Variants in FAM13A observed in about 807,000 individuals in gnomAD.
The protein encoded by FAM13A is family with sequence similarity 13 member A.
In FAM13A, 76 loss-of-function variants were observed where a neutral mutation model predicts 129.6. The observed-to-expected ratio is 0.59, with a 90% confidence interval of 0.49 to 0.71. The LOEUF is 0.71. Among genes scored for constraint, FAM13A ranks in the 30% least tolerant of loss-of-function variants. The pLI, the probability that FAM13A is intolerant of heterozygous loss-of-function variation, is 0.00. For synonymous variants in FAM13A, 443 were observed against 449.9 expected, an observed-to-expected ratio of 0.98 and a Z score of 0.20; for missense variants, 1,108 against 1,249.3, an observed-to-expected ratio of 0.89 and a Z score of 1.70.
At position 89,032,193 on chromosome 4, in the gene FAM13A, C is replaced by T. The variant is rs531651436; in HGVS notation, c.28-2544G>A. Reference sequence around the variant, plus strand: ...CTGGGAGGCGGAGCTTGCAGTGAGCCGAGATCACGCCACTGCACTCCAGCC... The same window carrying T: ...CTGGGAGGCGGAGCTTGCAGTGAGCTGAGATCACGCCACTGCACTCCAGCC... On this transcript the variant is annotated intron_variant, in intron 1 of 23. Coordinates refer to ENST00000264344, the MANE Select transcript of FAM13A (RefSeq NM_014883.4). 2.2e-3 allele frequency among the ~76,000 whole-genome samples: 327 copies of T among 151,624 alleles called. 1 individual carries two copies. Among genetic ancestry groups the T allele is most frequent in the Non-Finnish European group, 3.6e-3 (247 of 67,904 alleles).
Position 88,749,838 on chromosome 4 carries a change from C to A in FAM13A, c.2012G>T (p.Arg671Met). 6.2e-7 allele frequency: 1 copy of A among 1,614,118 alleles called. No homozygotes were observed. Among genetic ancestry groups the A allele is most frequent in the Middle Eastern group, 1.7e-4 (1 of 6,052 alleles). ...GATCTTCTTTTTAAGGCTCTGAATC[C>A]TTCGTGTGAGCTGGGCAGGTGTCAG... ...EDLTPAQLTR[R>M]IQSLKKKIRK... The change falls in exon 16 of 24, where the codon AGG (arginine) becomes ATG (methionine). Residue 671 changes from arginine (R) to methionine (M), a missense_variant. Around this residue, in one of 3 missense-constraint regions of FAM13A, gnomAD observed 529 missense variants for 621.2 expected, o/e 0.85. Transcript: ENST00000264344.
chr4:88,806,101 C>G (rs1728501829), intron 7 of FAM13A, among the ~76,000 whole-genome samples: 2 of 152,090 alleles, frequency 1.3e-5, no homozygotes, highest in Admixed American at 1.3e-4. Context: ...CTGGAGTGAT[C>G]TCTGAACTTT....
intron 4 of FAM13A, among the ~76,000 whole-genome samples, chr4:88,978,354 C>A (rs909331600): frequency 6.6e-6 from 1 of 152,092 alleles, no homozygotes; most frequent in Non-Finnish European, 1.5e-5. Context: ...TAAAGATACA[C>A]TTTTTTATAC....
chr4:88,865,321 T>C (rs984107129), intron 6 of FAM13A, among the ~76,000 whole-genome samples: 1 of 152,204 alleles, frequency 6.6e-6, no homozygotes, highest in African/African-American at 2.4e-5. Flanking sequence ...TGTTGGTCAG[T>C]TAGGCACAAT....
intron 6 of FAM13A, among the ~76,000 whole-genome samples, chr4:88,892,133 T>C (rs6815970): frequency 0.73 from 109,811 of 150,238 alleles, 40,498 homozygotes; most frequent in Non-Finnish European, 0.78. Flanking sequence ...AAGATTGAGC[T>C]GCTGCACTCC....
intron 4 of FAM13A, among the ~76,000 whole-genome samples, chr4:88,954,809 C>T (rs1439569272): frequency 6.6e-6 from 1 of 151,556 alleles, no homozygotes; most frequent in Non-Finnish European, 1.5e-5. Context: ...CCGCTTGAAC[C>T]CAGGAGGCAG....
intron 5 of FAM13A, among the ~76,000 whole-genome samples, chr4:88,916,348 A>AC (rs1308763973): frequency 6.6e-6 from 1 of 152,028 alleles, no homozygotes; most frequent in Non-Finnish European, 1.5e-5. Context: ...CTCCTATATC[A>AC]CCTCTTTGGA....
At chr4:88,905,531 T>C (rs1214074415) in intron 6 of FAM13A, among the ~76,000 whole-genome samples, 1 of 152,178 alleles carries the variant, frequency 6.6e-6, no homozygotes, top group African/African-American at 2.4e-5. Flanking sequence ...CCGATACTTA[T>C]CTTTTCTGTT....
chr4:88,784,269 T>C (rs1723549278), intron 10 of FAM13A, among the ~76,000 whole-genome samples: 1 of 152,202 alleles, frequency 6.6e-6, no homozygotes, highest in African/African-American at 2.4e-5. Flanking sequence ...CGATATCTGT[T>C]TTTCATCATT....
chr4:88,941,761 T>C (rs1191949129), intron 4 of FAM13A, among the ~76,000 whole-genome samples: 1 of 152,212 alleles, frequency 6.6e-6, no homozygotes, highest in East Asian at 1.9e-4. Context: ...TGCTCTCTTT[T>C]GTAATTGAGT....
chr4:89,048,060 T>A (rs964032061), intron 1 of FAM13A, among the ~76,000 whole-genome samples: 8 of 152,144 alleles, frequency 5.3e-5, no homozygotes, highest in Admixed American at 2.0e-4. Flanking sequence ...TACAACCACT[T>A]TGGAAAAAGT....
chr4:88,988,288 T>A lies in FAM13A; in HGVS notation c.605+2685A>T, dbSNP rs989213887. 3.3e-5 allele frequency among the ~76,000 whole-genome samples: 5 copies of A among 152,136 alleles called. No homozygotes were observed. The South Asian group carries it at 1.0e-3, about 31-fold the overall frequency. On this transcript the variant is annotated intron_variant, in intron 4 of 23. Coordinates refer to ENST00000264344, the MANE Select transcript of FAM13A (RefSeq NM_014883.4). ...TTTATTAAGACATACTAAAGAGGCC[T>A]AACAACCAAGTAGAATGGATGAAGC...
intron 5 of FAM13A, among the ~76,000 whole-genome samples, chr4:88,920,213 G>C (rs2464519): frequency 0.76 from 114,944 of 151,752 alleles, 43,817 homozygotes; most frequent in Non-Finnish European, 0.79. Context: ...TCCCAGCACG[G>C]AGCTGGAGAT....
At chr4:88,959,629 A>G (rs1345388437) in intron 4 of FAM13A, among the ~76,000 whole-genome samples, 4 of 152,238 alleles carry the variant, frequency 2.6e-5, no homozygotes, top group Admixed American at 2.0e-4. Context: ...CTACGAGCCA[A>G]TTAAACCTAT....
At chr4:88,874,286 C>T (rs544778745) in intron 6 of FAM13A, among the ~76,000 whole-genome samples, 1 of 152,108 alleles carries the variant, frequency 6.6e-6, no homozygotes, top group African/African-American at 2.4e-5. Flanking sequence ...GAAGTTCTGG[C>T]CAGGGAAATC....
chr4:88,962,044 A>G (rs1758694604), intron 4 of FAM13A, among the ~76,000 whole-genome samples: 1 of 152,006 alleles, frequency 6.6e-6, no homozygotes, highest in South Asian at 2.1e-4. Context: ...GAAGAGAGTC[A>G]GGGAAAGAAG....
chr4:88,747,520 G>C, intron 18 of FAM13A, 111 bp downstream of exon 18: 1 of 869,778 alleles, frequency 1.1e-6, no homozygotes, highest in Non-Finnish European at 1.9e-6. Context: ...TAACAGCCTG[G>C]AAGGCTTAAC....
intron 17 of FAM13A, 125 bp from the exon 18 acceptor site, chr4:88,747,976 G>A (rs775787298): frequency 1.4e-5 from 9 of 645,526 alleles, no homozygotes; most frequent in East Asian, 2.8e-5. Context: ...TGCAAGCTCC[G>A]CCTCCTGGGT....
intron 5 of FAM13A, among the ~76,000 whole-genome samples, chr4:88,907,548 T>C (rs1472658974): frequency 6.6e-6 from 1 of 152,228 alleles, no homozygotes; most frequent in Non-Finnish European, 1.5e-5. Flanking sequence ...TTAATAAAGA[T>C]TGAATCTTAT....
Sources: allele counts gnomAD v4.1 joint callset (sites outside exome capture counted in the v4.1 genomes callset), GRCh38; gene constraint gnomAD v4.1.1; regional missense constraint gnomAD v4.1.1; transcripts MANE v1.5; gene names NCBI Gene and HGNC (gene_info 2026-07-23, HGNC 2026-07-21).